The following NDUFS4 variants were observed in gnomAD, a reference collection of about 807,000 sequenced individuals.
NDUFS4 encodes NADH dehydrogenase [ubiquinone] iron-sulfur protein 4, mitochondrial.
A neutral mutation model predicts 24.3 loss-of-function variants in NDUFS4; 28 were observed. The ratio of observed to expected loss-of-function variants is 1.15; its 90% confidence interval spans 0.85 to 1.58. The LOEUF (loss-of-function observed/expected upper bound fraction) is 1.58, where lower values mean the gene tolerates loss of function less well. Among genes scored for constraint, NDUFS4 ranks in the 40% most tolerant of loss-of-function variants. The pLI is 0.00. For missense variants in NDUFS4, 223 were observed against 207.9 expected (o/e 1.07, Z -0.45); for synonymous variants, 93 against 69.7 (o/e 1.34, Z -1.67).
At chr5:53,570,326 A>G (rs1749166698) in intron 1 of NDUFS4, among the ~76,000 whole-genome samples, 1 of 152,104 alleles carries the variant, frequency 6.6e-6, no homozygotes, top group African/African-American at 2.4e-5. Flanking sequence ...GTGCCTTTGA[A>G]CTTCATATAA....
intron 4 of NDUFS4, among the ~76,000 whole-genome samples, chr5:53,671,770 A>AAGACT (rs1440501997): frequency 1.3e-5 from 2 of 152,180 alleles, no homozygotes; most frequent in Non-Finnish European, 2.9e-5. Flanking sequence ...TGGATGGTGG[A>AAGACT]AGACTAGAAT....
rs547414731 is a variant in NDUFS4, at chr5:53,590,437, T to C, written c.99-13015T>C. Among the ~76,000 whole-genome samples, 33 of 152,334 alleles carry C rather than the reference T, an allele frequency of 2.2e-4. 1 individual carries two copies. The South Asian group carries it at 6.8e-3, about 32-fold the overall frequency. On this transcript the variant is annotated intron_variant, in intron 1 of 4. Coordinates refer to ENST00000296684, the MANE Select transcript of NDUFS4 (RefSeq NM_002495.4). ...AGAGGTTAATAATTGGTAGGACATA[T>C]AACAAAAACTATCTCATATTTTGTG...
chr5:53,663,487 C>A (rs751498506), intron 4 of NDUFS4, among the ~76,000 whole-genome samples: 4 of 152,016 alleles, frequency 2.6e-5, no homozygotes, highest in Non-Finnish European at 5.9e-5. Flanking sequence ...GTAGGTCACT[C>A]AGGACTTGCT....
At chr5:53,609,268 A>G (rs1750623261) in intron 2 of NDUFS4, among the ~76,000 whole-genome samples, 1 of 152,160 alleles carries the variant, frequency 6.6e-6, no homozygotes, top group African/African-American at 2.4e-5. Context: ...AAAAGTCAAA[A>G]TTACTCCTTG....
intron 2 of NDUFS4, chr5:53,604,930 A>G: frequency 6.6e-6 from 3 of 454,684 alleles, no homozygotes; most frequent in South Asian, 4.7e-5. Context: ...CAAGTATAAA[A>G]GAAATGAGGG....
At chr5:53,670,640 C>T (rs926912322) in intron 4 of NDUFS4, among the ~76,000 whole-genome samples, 12 of 147,792 alleles carry the variant, frequency 8.1e-5, no homozygotes, top group East Asian at 4.0e-4. Context: ...TATATATATT[C>T]TATGTAAATA....
chr5:53,611,340 T>C (rs969429192), intron 2 of NDUFS4, among the ~76,000 whole-genome samples: 4 of 152,040 alleles, frequency 2.6e-5, no homozygotes, highest in African/African-American at 9.7e-5. Context: ...TTTGGAACTA[T>C]ATACAATGTT....
intron 3 of NDUFS4, 62 bp from the exon 4 acceptor site, chr5:53,658,488 AT>A: frequency 9.0e-7 from 1 of 1,105,088 alleles, no homozygotes; most frequent in Admixed American, 1.7e-5. Flanking sequence ...TATTTTAAAT[AT>A]TGATTTTGTT....
intron 2 of NDUFS4, among the ~76,000 whole-genome samples, chr5:53,615,963 C>A (rs1183228009): frequency 6.6e-6 from 1 of 151,948 alleles, no homozygotes; most frequent in Non-Finnish European, 1.5e-5. Flanking sequence ...AATTTTTAAA[C>A]CTAATTGGGT....
chr5:53,646,204 A>G (rs2112507255), intron 2 of NDUFS4, 29 bp from the exon 3 acceptor site: 1 of 1,552,942 alleles, frequency 6.4e-7, no homozygotes, highest in Non-Finnish European at 8.8e-7. Context: ...GCTGTTTGAA[A>G]CGTGTTTTTT....
chr5:53,577,588 A>G (rs2112422913), intron 1 of NDUFS4, among the ~76,000 whole-genome samples: 1 of 152,206 alleles, frequency 6.6e-6, no homozygotes, highest in Non-Finnish European at 1.5e-5. Flanking sequence ...TCACTAAAGT[A>G]AACATCTAAT....
At chr5:53,623,450 T>C (rs1214404011) in intron 2 of NDUFS4, among the ~76,000 whole-genome samples, 2 of 152,222 alleles carry the variant, frequency 1.3e-5, no homozygotes, top group African/African-American at 4.8e-5. Flanking sequence ...TTTGTTCATT[T>C]TGAATTAGGT....
chr5:53,636,258 C>T (rs542504835), intron 2 of NDUFS4, among the ~76,000 whole-genome samples: 2 of 152,278 alleles, frequency 1.3e-5, no homozygotes, highest in South Asian at 4.1e-4. Context: ...GTCTGAATGT[C>T]ACAAAGGTTG....
At position 53,570,858 on chromosome 5, in the gene NDUFS4, A is replaced by G. The variant is rs913652596; in HGVS notation, c.98+10098A>G. 6.6e-5 allele frequency among the ~76,000 whole-genome samples: 10 copies of G among 151,208 alleles called. 1 individual carries two copies. Among genetic ancestry groups the G allele is most frequent in the Non-Finnish European group, 1.5e-5 (1 of 67,804 alleles). On this transcript the variant is annotated intron_variant, in intron 1 of 4. Transcript: ENST00000296684. Reference sequence around the variant, plus strand: ...GCCACCATGCCCGGCTAATTTTTGTATTTTTAGTAGAGACGGAGTTTCACC... The same window carrying G: ...GCCACCATGCCCGGCTAATTTTTGTGTTTTTAGTAGAGACGGAGTTTCACC...
Position 53,612,572 on chromosome 5 carries a change from G to A in NDUFS4, c.177+9042G>A, listed in dbSNP as rs1169044598. On this transcript the variant is annotated intron_variant, in intron 2 of 4. Coordinates refer to ENST00000296684, the MANE Select transcript of NDUFS4 (RefSeq NM_002495.4). ...CTTTATTTAAAAATCAGGTGTGCCT[G>A]TAAAACAAATGTTGTCAGTATTCTG... Among the ~76,000 whole-genome samples, 4 of 152,172 alleles carry A rather than the reference G, an allele frequency of 2.6e-5. No homozygotes were observed. In the East Asian group the frequency reaches 7.7e-4, roughly 29 times the overall value.
intron 3 of NDUFS4, among the ~76,000 whole-genome samples, chr5:53,652,563 T>C (rs979976796): frequency 6.6e-6 from 1 of 152,206 alleles, no homozygotes; most frequent in Non-Finnish European, 1.5e-5. Flanking sequence ...CATTGTTATC[T>C]GCTTATCTAC....
At position 53,635,187 on chromosome 5, in the gene NDUFS4, T is replaced by TTAAATAAATAAA. The variant is rs59403372; in HGVS notation, c.178-11030_178-11019dup. Among the ~76,000 whole-genome samples the TTAAATAAATAAA allele has an allele frequency of 9.0e-3, 1,353 of 149,538 alleles. 12 individuals are homozygous for TTAAATAAATAAA. Among genetic ancestry groups the TTAAATAAATAAA allele is most frequent in the African/African-American group, 0.023 (939 of 40,182 alleles). ...ACTGGGCAACAGAGCAAAAACTCTGTTAAATAAATAAATAAATAAATAAAT... is the reference window on the plus strand; with the variant it reads ...ACTGGGCAACAGAGCAAAAACTCTGTTAAATAAATAAATAAATAAATAAATAAATAAATAAAT... On this transcript the variant is annotated intron_variant, in intron 2 of 4. Transcript: ENST00000296684.
rs187285090 is a variant in NDUFS4, at chr5:53,600,417, T to C, written c.99-3035T>C. Among the ~76,000 whole-genome samples, 628 of 152,182 alleles carry C rather than the reference T, an allele frequency of 4.1e-3. 14 individuals carry two copies. Among genetic ancestry groups the C allele is most frequent in the Admixed American group, 0.036 (548 of 15,280 alleles). Reference sequence around the variant, plus strand: ...CTCTGCCTCCAGGTTCAAGAGATTCTCCTGCCTCAACCTCCTGAGTAGCTG... The same window carrying C: ...CTCTGCCTCCAGGTTCAAGAGATTCCCCTGCCTCAACCTCCTGAGTAGCTG... On this transcript the variant is annotated intron_variant, in intron 1 of 4. Coordinates refer to ENST00000296684, the MANE Select transcript of NDUFS4 (RefSeq NM_002495.4).
chr5:53,629,289 T>C (rs1751326861), intron 2 of NDUFS4, among the ~76,000 whole-genome samples: 1 of 152,208 alleles, frequency 6.6e-6, no homozygotes. Context: ...GAGGAGTGTT[T>C]TACTTCTAAT....
Sources: allele counts gnomAD v4.1 joint callset (sites outside exome capture counted in the v4.1 genomes callset), GRCh38; gene constraint gnomAD v4.1.1; transcripts MANE v1.5; gene names NCBI Gene and HGNC (gene_info 2026-07-23, HGNC 2026-07-21).